Variants in FER1L6 observed in about 807,000 individuals in gnomAD.
FER1L6 encodes the protein fer-1-like protein 6.
A neutral mutation model predicts 219.2 loss-of-function variants in FER1L6; 177 were observed. That is an observed-to-expected ratio of 0.81 (90% confidence interval 0.71 to 0.91). The LOEUF is 0.91. Among genes scored for constraint, FER1L6 ranks in the 40% least tolerant of loss-of-function variants. The pLI is 0.00. For missense variants in FER1L6, 2,153 were observed against 2,259.9 expected (o/e 0.95, Z 0.96); for synonymous variants, 768 against 824.3 (o/e 0.93, Z 1.17).
Position 124,101,162 on chromosome 8 carries a change from AG to A in FER1L6, c.4952del (p.Gly1651AlafsTer31). Reference protein sequence around the residue: ...TDVHYNSLTGEGNFNWRFLFP... With the variant: ...TDVHYNSLTGXGNFNWRFLFP... The stretch of plus-strand genomic sequence containing the variant: ...GTGCATTACAACTCCCTGACTGGAG[AG>A]GGCAACTTCAACTGGCGCTTCCTGT... On this transcript the variant is annotated frameshift_variant, in exon 38 of 41. Coordinates refer to ENST00000522917, the MANE Select transcript of FER1L6 (RefSeq NM_001039112.2). LOFTEE classifies it high-confidence loss of function. 2 of 1,613,804 alleles carry A rather than the reference AG, an allele frequency of 1.2e-6. No individual in the cohort carries two copies. The highest frequency in any genetic ancestry group is 1.7e-6 in the Non-Finnish European group (2 of 1,179,930).
In FER1L6 at chr8:123,946,822, C is replaced by T. The variant is rs547807215; in HGVS notation, c.-7-9170C>T. ...AACTTTTCCAACTCCTACTTGAGCT[C>T]GATTTTTTTTCTCTAGTCATTCTGC... On this transcript the variant is annotated intron_variant, in intron 1 of 40. Coordinates refer to ENST00000522917, the MANE Select transcript of FER1L6 (RefSeq NM_001039112.2). Among the ~76,000 whole-genome samples, 9 of 152,090 alleles carry T rather than the reference C, an allele frequency of 5.9e-5. No homozygotes were observed. The South Asian group carries it at 1.0e-3, about 18-fold the overall frequency.
At chr8:123,986,563 G>C (rs969528599) in intron 12 of FER1L6, among the ~76,000 whole-genome samples, 2 of 151,962 alleles carry the variant, frequency 1.3e-5, no homozygotes, top group African/African-American at 4.8e-5. Context: ...GTAAGTTGTT[G>C]TTGACTGTAC....
intron 1 of FER1L6, among the ~76,000 whole-genome samples, chr8:123,929,164 A>C (rs961554342): frequency 1.3e-5 from 2 of 152,206 alleles, no homozygotes; most frequent in African/African-American, 4.8e-5. Flanking sequence ...ATATGGTCTT[A>C]CTTGAGGCCT....
chr8:124,069,258 TCA>T, intron 28 of FER1L6, 100 bp from the exon 29 acceptor site: 1 of 882,754 alleles, frequency 1.1e-6, no homozygotes, highest in Non-Finnish European at 1.8e-6. Flanking sequence ...TTCTGAAGGG[TCA>T]CAACATAGGA....
At chr8:123,959,158 T>A (rs1163744165) in intron 2 of FER1L6, among the ~76,000 whole-genome samples, 1 of 152,142 alleles carries the variant, frequency 6.6e-6, no homozygotes, top group Admixed American at 6.5e-5. Flanking sequence ...AGTAACTCAA[T>A]AAATTAGTGA....
intron 12 of FER1L6, among the ~76,000 whole-genome samples, chr8:123,996,043 T>G (rs1027635377): frequency 3.3e-5 from 5 of 152,228 alleles, no homozygotes; most frequent in Admixed American, 3.3e-4. Flanking sequence ...TTTAATTGTT[T>G]TGAATTTTTA....
intron 1 of FER1L6, among the ~76,000 whole-genome samples, chr8:123,905,384 TC>T (rs1392615411): frequency 2.6e-5 from 4 of 152,200 alleles, no homozygotes; most frequent in Non-Finnish European, 5.9e-5. Context: ...TCCAGCTTCA[TC>T]CATGTCCCTG....
chr8:124,016,661 C>T (rs1395798743), intron 15 of FER1L6, among the ~76,000 whole-genome samples: 4 of 152,172 alleles, frequency 2.6e-5, no homozygotes, highest in Non-Finnish European at 5.9e-5. Context: ...GTTGCCTTTT[C>T]ATTCAGCAAA....
At chr8:124,118,778 A>G (rs1255992952) in intron 39 of FER1L6, 66 bp from the exon 40 acceptor site, 2 of 1,314,290 alleles carry the variant, frequency 1.5e-6, no homozygotes, top group African/African-American at 1.4e-5. Context: ...TAACACTTCT[A>G]GAAGGTTGCC....
At chr8:124,026,473 T>C (rs1301397386) in intron 18 of FER1L6, among the ~76,000 whole-genome samples, 2 of 152,078 alleles carry the variant, frequency 1.3e-5, no homozygotes, top group African/African-American at 4.8e-5. Flanking sequence ...TCAGTGTTTG[T>C]GGGGCAGTAT....
intron 1 of FER1L6, among the ~76,000 whole-genome samples, chr8:123,933,517 T>C (rs4871439): frequency 0.46 from 70,183 of 151,980 alleles, 16,433 homozygotes; most frequent in South Asian, 0.53. Context: ...CACCCAGCTC[T>C]TATGCATATG....
At chr8:123,987,572 G>A (rs1441793602) in intron 12 of FER1L6, among the ~76,000 whole-genome samples, 1 of 152,166 alleles carries the variant, frequency 6.6e-6, no homozygotes, top group Non-Finnish European at 1.5e-5. Context: ...TATGCTTGTG[G>A]TGTATTACTC....
At chr8:124,049,460 G>C in intron 21 of FER1L6, 147 bp from the exon 22 acceptor site, 1 of 913,758 alleles carries the variant, frequency 1.1e-6, no homozygotes, top group African/African-American at 1.7e-5. Flanking sequence ...ACGGAAATGG[G>C]CAAGAGGAGC....
chr8:123,861,498 G>GT (rs1243582205), intron 1 of FER1L6, among the ~76,000 whole-genome samples: 1 of 128,192 alleles, frequency 7.8e-6, no homozygotes, highest in African/African-American at 3.4e-5. Context: ...CTTTAAAGTA[G>GT]TTTTTTCCAA....
chr8:124,016,654 G>A (rs190422594), intron 15 of FER1L6, among the ~76,000 whole-genome samples: 34 of 152,214 alleles, frequency 2.2e-4, no homozygotes, highest in African/African-American at 7.9e-4. Context: ...TCAGCAGGTT[G>A]CCTTTTCATT....
At chr8:124,115,378 A>G (rs1202608150) in intron 39 of FER1L6, among the ~76,000 whole-genome samples, 1 of 152,074 alleles carries the variant, frequency 6.6e-6, no homozygotes, top group Non-Finnish European at 1.5e-5. Flanking sequence ...AGCTGTCAGT[A>G]AACACCTTTC....
rs183918446 is a variant in FER1L6 at position 123,945,835 on chromosome 8, T to C, written c.-7-10157T>C. Among the ~76,000 whole-genome samples the C allele has an allele frequency of 1.9e-3, 290 of 152,342 alleles. 3 individuals carry two copies. Among genetic ancestry groups the C allele is most frequent in the Middle Eastern group, 6.8e-3 (2 of 294 alleles). ...TGCGAGTCATATTTGAAATAACATATTCATTTTCAGCATTGAACTGCTTTT... is the reference window on the plus strand; with the variant it reads ...TGCGAGTCATATTTGAAATAACATACTCATTTTCAGCATTGAACTGCTTTT... On this transcript the variant is annotated intron_variant, in intron 1 of 40. Transcript: ENST00000522917.
At chr8:123,856,649 C>A (rs1288646231) in intron 1 of FER1L6, among the ~76,000 whole-genome samples, 2 of 151,686 alleles carry the variant, frequency 1.3e-5, no homozygotes, top group Non-Finnish European at 2.9e-5. Flanking sequence ...CATCATGTCC[C>A]CGACTGCCTG....
rs547578647 is a variant in FER1L6 at position 124,097,288 on chromosome 8, G to A, written c.4713G>A (p.Trp1571Ter). ...TTAACAAGGGCCGCCTGCAGATGTG[G>A]GTGGACATGTTTCCCAAGGATATGC... ...PGMEQGRLQM[W>*]VDMFPKDMPQ... Residue 1571 changes from tryptophan to a stop codon, truncating the protein, a stop_gained, in exon 36 of 41, where the codon TGG becomes TGA. Coordinates refer to ENST00000522917, the MANE Select transcript of FER1L6 (RefSeq NM_001039112.2). LOFTEE classifies it high-confidence loss of function. The A allele has an allele frequency of 2.1e-5, 34 of 1,613,210 alleles. No homozygotes were observed. The South Asian group carries it at 3.4e-4, about 16-fold the overall frequency.
Sources: allele counts gnomAD v4.1 joint callset (sites outside exome capture counted in the v4.1 genomes callset), GRCh38; gene constraint gnomAD v4.1.1; transcripts MANE v1.5; gene names NCBI Gene and HGNC (gene_info 2026-07-23, HGNC 2026-07-21).